Variants in ANKRD6 observed in about 807,000 individuals in gnomAD.
The protein encoded by ANKRD6 is ankyrin repeat domain 6.
ANKRD6 carries 56 observed loss-of-function variants against 82.3 expected under a neutral mutation model. That is an observed-to-expected ratio of 0.68 (90% CI 0.55 to 0.85). The LOEUF is 0.85. ANKRD6 is among the 40% of genes least tolerant of loss of function. The pLI is 0.00. For missense variants in ANKRD6, 852 were observed against 907.6 expected, an observed-to-expected ratio of 0.94 and a Z score of 0.79; for synonymous variants, 347 against 352.1, an observed-to-expected ratio of 0.99 and a Z score of 0.16.
chr6:89,498,958 C>G (rs943854252), intron 1 of ANKRD6, among the ~76,000 whole-genome samples: 1 of 152,190 alleles, frequency 6.6e-6, no homozygotes, highest in African/African-American at 2.4e-5. Flanking sequence ...CAACCACTCT[C>G]TCACTTGCCT....
chr6:89,554,392 A>ATG (rs1008392017), intron 1 of ANKRD6, among the ~76,000 whole-genome samples: 2 of 151,126 alleles, frequency 1.3e-5, no homozygotes, highest in African/African-American at 4.9e-5. Flanking sequence ...TAAAGGACAC[A>ATG]TGTGACTACC....
chr6:89,608,511 A>G (rs1333073638), intron 5 of ANKRD6, among the ~76,000 whole-genome samples: 2 of 151,700 alleles, frequency 1.3e-5, no homozygotes, highest in Non-Finnish European at 2.9e-5. Flanking sequence ...ATACCCCATC[A>G]ATGAAGTGAC....
intron 1 of ANKRD6, among the ~76,000 whole-genome samples, chr6:89,509,912 A>C (rs564160024): frequency 1.8e-4 from 27 of 152,368 alleles, no homozygotes; most frequent in African/African-American, 6.0e-4. Context: ...ACTATACCTT[A>C]ATCGCCAGTG....
chr6:89,601,836 T>G (rs1414772940), intron 3 of ANKRD6: 2 of 152,194 alleles, frequency 1.3e-5, no homozygotes, highest in Non-Finnish European at 2.9e-5. Context: ...TAAGGTTGTT[T>G]ATAGGTAGCA....
intron 9 of ANKRD6, among the ~76,000 whole-genome samples, chr6:89,619,208 A>G (rs1004718977): frequency 6.6e-5 from 10 of 152,306 alleles, no homozygotes; most frequent in Non-Finnish European, 1.5e-4. Context: ...TCAGTAGGAA[A>G]AGCTGCGGGG....
Position 89,623,213 on chromosome 6 carries a change from T to C in ANKRD6, c.898-197T>C, listed in dbSNP as rs139813580. Among the ~76,000 whole-genome samples the C allele has an allele frequency of 2.1e-3, 325 of 152,196 alleles. 1 individual carries two copies. Among genetic ancestry groups the C allele is most frequent in the African/African-American group, 7.5e-3 (312 of 41,518 alleles). ...CCTAATAAATACAATAAAAGCCAAA[T>C]GTTCAACCAACCAGGAAAACGTTCT... is the stretch of plus-strand genomic sequence containing the variant. On this transcript the variant is annotated intron_variant, in intron 10 of 15. Transcript: ENST00000339746.
rs1199861064 is a variant in ANKRD6, at chr6:89,632,420, A to G, written c.*1416A>G. 1 of 152,004 alleles carries G rather than the reference A, an allele frequency of 6.6e-6. No homozygotes were observed. Among genetic ancestry groups the G allele is most frequent in the Non-Finnish European group, 1.5e-5 (1 of 67,998 alleles). 9.4% of individuals were successfully genotyped at this position (152,004 alleles called of 1,614,324 possible). On this transcript the variant is annotated 3_prime_UTR_variant, in exon 16 of 16. Coordinates refer to ENST00000339746, the MANE Select transcript of ANKRD6 (RefSeq NM_001242809.2). Reference sequence around the variant, plus strand: ...GTTACCTGAATATGGAATGAATTTGATGTTTTTTATTTTGTTGAGACAGGG... The same window carrying G: ...GTTACCTGAATATGGAATGAATTTGGTGTTTTTTATTTTGTTGAGACAGGG...
chr6:89,578,849 G>A (rs1791777367), intron 2 of ANKRD6, among the ~76,000 whole-genome samples: 1 of 152,158 alleles, frequency 6.6e-6, no homozygotes, highest in African/African-American at 2.4e-5. Flanking sequence ...AGAAGTAGTA[G>A]GTGCTAGCCC....
chr6:89,622,033 G>A lies in ANKRD6; in HGVS notation c.897+7G>A, dbSNP rs776495517. 9 of 1,611,148 alleles carry A rather than the reference G, an allele frequency of 5.6e-6. No homozygotes were observed. The South Asian group carries it at 8.8e-5, about 16-fold the overall frequency. The stretch of plus-strand genomic sequence containing the variant: ...TGAGGTGGCCCAAAGCAAGGTGGGG[G>A]GCAGTCCTCCCGCCGTCCCCACATC... On this transcript the variant is annotated splice_region_variant and intron_variant, in intron 10 of 15. Transcript: ENST00000339746.
chr6:89,477,546 CG>C (rs1191719173), intron 1 of ANKRD6, among the ~76,000 whole-genome samples: 1 of 151,286 alleles, frequency 6.6e-6, no homozygotes, highest in Non-Finnish European at 1.5e-5. Flanking sequence ...CCGAGGCGGG[CG>C]GATCATGAGG....
chr6:89,482,239 G>A (rs1435106563), intron 1 of ANKRD6, among the ~76,000 whole-genome samples: 2 of 152,138 alleles, frequency 1.3e-5, no homozygotes, highest in African/African-American at 4.8e-5. Context: ...TTGAGAAATG[G>A]GAAAAGGAAA....
At chr6:89,609,224 C>A (rs999337476) in intron 5 of ANKRD6, among the ~76,000 whole-genome samples, 1 of 152,202 alleles carries the variant, frequency 6.6e-6, no homozygotes, top group African/African-American at 2.4e-5. Context: ...GTGCCTGGCT[C>A]ACAGCTCAGG....
chr6:89,534,728 G>C (rs1167080775), intron 1 of ANKRD6, among the ~76,000 whole-genome samples: 1 of 152,174 alleles, frequency 6.6e-6, no homozygotes, highest in Non-Finnish European at 1.5e-5. Context: ...GCTCTCATGG[G>C]GATGAGGGTG....
At chr6:89,591,524 G>C (rs1019702116) in intron 2 of ANKRD6, among the ~76,000 whole-genome samples, 1 of 152,190 alleles carries the variant, frequency 6.6e-6, no homozygotes. Context: ...TCATTCAAAG[G>C]TGCCTCTAAG....
At position 89,622,029 on chromosome 6, in the gene ANKRD6, G is replaced by C. The variant is rs77840003; in HGVS notation, c.897+3G>C. On this transcript the variant is annotated splice_donor_region_variant and intron_variant, in intron 10 of 15. Transcript: ENST00000339746. Reference sequence around the variant, plus strand: ...GAGATGAGGTGGCCCAAAGCAAGGTGGGGGGCAGTCCTCCCGCCGTCCCCA... The same window carrying C: ...GAGATGAGGTGGCCCAAAGCAAGGTCGGGGGCAGTCCTCCCGCCGTCCCCA... 2 of 1,611,382 alleles carry C rather than the reference G, an allele frequency of 1.2e-6. No homozygotes were observed. The highest frequency in any genetic ancestry group is 1.1e-5 in the South Asian group (1 of 90,974).
Position 89,441,620 on chromosome 6 carries a change from CTTTTTT to C in ANKRD6, c.-144+8267_-144+8272del, listed in dbSNP as rs71556522. ...CATAGCCTTGGTTTTCTTTTCTTTCCTTTTTTTTTTTTTTTTTTTTTTTTTTTGAGA... is the reference window on the plus strand; with the variant it reads ...CATAGCCTTGGTTTTCTTTTCTTTCCTTTTTTTTTTTTTTTTTTTTTGAGA... On this transcript the variant is annotated intron_variant, in intron 1 of 15. Coordinates refer to ENST00000339746, the MANE Select transcript of ANKRD6 (RefSeq NM_001242809.2). 9.9e-5 allele frequency among the ~76,000 whole-genome samples: 8 copies of C among 80,458 alleles called. No individual in the cohort carries two copies. The South Asian group carries it at 1.3e-3, about 13-fold the overall frequency. 52.8% of individuals were successfully genotyped at this position (80,458 alleles called of 152,430 possible).
At chr6:89,556,588 A>G (rs1786634128) in intron 1 of ANKRD6, among the ~76,000 whole-genome samples, 1 of 152,270 alleles carries the variant, frequency 6.6e-6, no homozygotes, top group Non-Finnish European at 1.5e-5. Context: ...AGATAATCAC[A>G]GAATTTCAAG....
chr6:89,500,260 C>G (rs1322977348), intron 1 of ANKRD6, among the ~76,000 whole-genome samples: 1 of 152,108 alleles, frequency 6.6e-6, no homozygotes, highest in Non-Finnish European at 1.5e-5. Context: ...AGCCACAGAT[C>G]ACTCACTCTC....
intron 1 of ANKRD6, among the ~76,000 whole-genome samples, chr6:89,444,204 A>T (rs115068806): frequency 1.3e-5 from 2 of 152,246 alleles, no homozygotes; most frequent in African/African-American, 4.8e-5. Flanking sequence ...AGAAGGTACT[A>T]TCCTGAGTTA....
Sources: gnomAD v4.1 joint callset for allele counts (sites outside exome capture counted in the v4.1 genomes callset) on GRCh38, gnomAD v4.1.1 for gene constraint, MANE v1.5 for transcripts, NCBI Gene and HGNC (gene_info 2026-07-23, HGNC 2026-07-21) for gene names.